C16orf96: variants seen among roughly 807,000 people sequenced by gnomAD.
The protein encoded by C16orf96 is chromosome 16 open reading frame 96, also known as uncharacterized protein C16orf96.
A neutral mutation model predicts 103.6 loss-of-function variants in C16orf96; 108 were observed. That is an observed-to-expected ratio of 1.04 (90% CI 0.89 to 1.22). C16orf96 has a LOEUF of 1.22. Among genes scored for constraint, C16orf96 ranks in the 50% most tolerant of loss-of-function variants. The pLI, the probability that C16orf96 is intolerant of heterozygous loss-of-function variation, is 0.00. For synonymous variants in C16orf96, 566 were observed against 593.5 expected, an observed-to-expected ratio of 0.95 and a Z score of 0.67; for missense variants, 1,586 against 1,464.2, an observed-to-expected ratio of 1.08 and a Z score of -1.36.
At chr16:4,540,575 A>G in the C16orf96 span, among the ~76,000 whole-genome samples, 1 of 152,020 alleles carries the variant, frequency 6.6e-6, no homozygotes, top group Non-Finnish European at 1.5e-5. Flanking sequence ...TCTACTAAAA[A>G]TACAAAAATT....
intron 4 of C16orf96, 46 bp from the exon 5 acceptor site, chr16:4,575,128 G>A (rs767954720): frequency 7.2e-5 from 111 of 1,546,816 alleles, no homozygotes; most frequent in Non-Finnish European, 9.5e-5. Flanking sequence ...GAGAGTGGGA[G>A]GCGGGGCTGG....
chr16:4,554,853 T>G (rs2059248251), upstream of C16orf96, among the ~76,000 whole-genome samples: 1 of 151,202 alleles, frequency 6.6e-6, no homozygotes, highest in Non-Finnish European at 1.5e-5. Context: ...ATGGTCTCCA[T>G]CTCTTAACCT....
chr16:4,549,275 C>G, the C16orf96 span, among the ~76,000 whole-genome samples: 28 of 151,952 alleles, frequency 1.8e-4, no homozygotes, highest in African/African-American at 6.5e-4. Flanking sequence ...GAGATCAAGA[C>G]CATCCAGGCT....
At chr16:4,551,921 C>T (rs1024716395), upstream of C16orf96, among the ~76,000 whole-genome samples, 6 of 152,112 alleles carry the variant, frequency 3.9e-5, no homozygotes, top group Admixed American at 6.6e-5. Flanking sequence ...GCTTCCCCCA[C>T]CCCACGACAG....
At chr16:4,540,322 C>T in the C16orf96 span, among the ~76,000 whole-genome samples, 1 of 152,134 alleles carries the variant, frequency 6.6e-6, no homozygotes, top group African/African-American at 2.4e-5. Flanking sequence ...ATTGAAAAGA[C>T]ATTCTATTCT....
At chr16:4,547,021 C>G in the C16orf96 span, among the ~76,000 whole-genome samples, 5 of 152,034 alleles carry the variant, frequency 3.3e-5, no homozygotes, top group Non-Finnish European at 5.9e-5. Flanking sequence ...AACTCCTGGG[C>G]TCAAGCTATC....
chr16:4,581,335 CA>C (rs888968597), intron 7 of C16orf96, among the ~76,000 whole-genome samples: 14 of 136,532 alleles, frequency 1.0e-4, no homozygotes, highest in African/African-American at 3.0e-4. Context: ...AACTCTGTCT[CA>C]AAAAAAAATA....
intron 15 of C16orf96, among the ~76,000 whole-genome samples, chr16:4,599,869 G>C (rs1437841794): frequency 6.6e-6 from 1 of 152,150 alleles, no homozygotes; most frequent in African/African-American, 2.4e-5. Context: ...CTCTCCCGGG[G>C]GCTCTGCTCC....
intron 1 of C16orf96, among the ~76,000 whole-genome samples, chr16:4,558,031 C>T (rs1407533489): frequency 3.3e-5 from 5 of 152,182 alleles, no homozygotes; most frequent in South Asian, 2.1e-4. Context: ...AGAGTAGTCA[C>T]GGTGAACAGG....
intron 14 of C16orf96, among the ~76,000 whole-genome samples, chr16:4,596,484 CAAAA>C (rs35069884): frequency 8.4e-6 from 1 of 118,596 alleles, no homozygotes; most frequent in African/African-American, 3.5e-5. Flanking sequence ...GACTTCGTCT[CAAAA>C]AAAAAAAAAA....
intron 12 of C16orf96, among the ~76,000 whole-genome samples, chr16:4,594,139 C>A (rs1897118557): frequency 1.3e-5 from 2 of 152,210 alleles, no homozygotes; most frequent in African/African-American, 2.4e-5. Context: ...ATGGCTGGGT[C>A]TGGGGAAATG....
At chr16:4,563,946 C>G (rs866283977) in intron 1 of C16orf96, among the ~76,000 whole-genome samples, 1 of 151,388 alleles carries the variant, frequency 6.6e-6, no homozygotes, top group Non-Finnish European at 1.5e-5. Flanking sequence ...ACCTGTAATC[C>G]CAGCACTTTC....
chr16:4,563,052 C>A (rs1182879876), intron 1 of C16orf96: 5 of 876,820 alleles, frequency 5.7e-6, no homozygotes, highest in Non-Finnish European at 9.5e-6. Context: ...GATGACAGAG[C>A]TCTCCAAGTT....
In C16orf96 at chr16:4,592,372, G is replaced by C. The variant is rs1897079798; in HGVS notation, c.2774+5G>C. On this transcript the variant is annotated splice_donor_5th_base_variant and intron_variant, in intron 11 of 15. Coordinates refer to ENST00000444310, the MANE Select transcript of C16orf96 (RefSeq NM_001145011.2). The stretch of plus-strand genomic sequence containing the variant: ...TGTGGAGATGATGACTGGCCCGTGA[G>C]TACCACCGCCCAGGGTGCCCCGGCC... The C allele has an allele frequency of 6.4e-6, 10 of 1,551,460 alleles. No homozygotes were observed. The highest frequency in any genetic ancestry group is 7.8e-6 in the Non-Finnish European group (9 of 1,146,996).
At chr16:4,565,137 C>A (rs930412942) in intron 1 of C16orf96, among the ~76,000 whole-genome samples, 1 of 152,008 alleles carries the variant, frequency 6.6e-6, no homozygotes, top group Non-Finnish European at 1.5e-5. Context: ...AGTACTGGGC[C>A]CTAGCTGAAC....
At chr16:4,581,143 T>G (rs1349232495) in intron 7 of C16orf96, among the ~76,000 whole-genome samples, 3 of 36,622 alleles carry the variant, frequency 8.2e-5, no homozygotes, top group African/African-American at 6.1e-4. Flanking sequence ...TATGTATACA[T>G]ATATATATAT....
the C16orf96 span, among the ~76,000 whole-genome samples, chr16:4,544,477 C>T: frequency 2.6e-5 from 4 of 152,096 alleles, no homozygotes; most frequent in Non-Finnish European, 5.9e-5. Context: ...GTGTGGTGCA[C>T]GTGCCTGTGG....
the C16orf96 span, among the ~76,000 whole-genome samples, chr16:4,549,870 G>A: frequency 2.2e-4 from 33 of 151,946 alleles, no homozygotes; most frequent in Admixed American, 1.9e-3. Context: ...ACTCCCCTTC[G>A]CCTTCCACAA....
chr16:4,548,787 C>T, the C16orf96 span, among the ~76,000 whole-genome samples: 6 of 150,912 alleles, frequency 4.0e-5, no homozygotes, highest in African/African-American at 1.5e-4. Context: ...GCAGGAGAAT[C>T]GCTTGAACCC....
Sources: allele counts gnomAD v4.1 joint callset (sites outside exome capture counted in the v4.1 genomes callset), GRCh38; gene constraint gnomAD v4.1.1; transcripts MANE v1.5; gene names NCBI Gene and HGNC (gene_info 2026-07-23, HGNC 2026-07-21).